NGEF: variants seen among roughly 807,000 people sequenced by gnomAD.
NGEF encodes the protein neuronal guanine nucleotide exchange factor, also known as ephexin-1.
Under a neutral mutation model 80.9 loss-of-function variants are expected in NGEF, and 31 were observed. The observed-to-expected ratio is 0.38, with a 90% CI of 0.29 to 0.52. The LOEUF is 0.52. NGEF is among the 20% of genes least tolerant of loss of function. The pLI is 0.84. For synonymous variants in NGEF, 371 were observed against 370.2 expected (o/e 1.00, Z -0.03); for missense variants, 709 against 926.2 (o/e 0.77, Z 3.04).
At chr2:232,895,363 C>T (rs979533208) in intron 5 of NGEF, among the ~76,000 whole-genome samples, 1 of 151,988 alleles carries the variant, frequency 6.6e-6, no homozygotes, top group Non-Finnish European at 1.5e-5. Context: ...CCTGTCTCTA[C>T]TAAAAATACA....
At chr2:232,910,790 A>G (rs1402883760) in intron 5 of NGEF, among the ~76,000 whole-genome samples, 1 of 152,204 alleles carries the variant, frequency 6.6e-6, no homozygotes, top group Non-Finnish European at 1.5e-5. Flanking sequence ...CCTTCTGTAT[A>G]TCTGCTTTGG....
chr2:232,967,958 A>G (rs1343410727), intron 3 of NGEF, among the ~76,000 whole-genome samples: 1 of 152,202 alleles, frequency 6.6e-6, no homozygotes, highest in Non-Finnish European at 1.5e-5. Flanking sequence ...AGTGATATTT[A>G]TCATAGTGTG....
At chr2:232,967,277 C>T (rs1412636495) in intron 3 of NGEF, among the ~76,000 whole-genome samples, 1 of 152,156 alleles carries the variant, frequency 6.6e-6, no homozygotes, top group Admixed American at 6.5e-5. Context: ...GAAGCAGATG[C>T]TGCCATATTT....
chr2:232,902,408 G>T (rs938044347), intron 5 of NGEF, among the ~76,000 whole-genome samples: 1 of 152,188 alleles, frequency 6.6e-6, no homozygotes, highest in African/African-American at 2.4e-5. Context: ...CGTGAGCAGC[G>T]TGGGGAGTGG....
Position 232,892,681 on chromosome 2 carries a change from G to C in NGEF, c.1142+217C>G, listed in dbSNP as rs554578679. On this transcript the variant is annotated intron_variant, in intron 7 of 14. Transcript: ENST00000264051. This position sits in a 1 kb window ranked among gnomAD's most constrained non-coding sequence, Gnocchi z 4.0. Reference sequence around the variant, plus strand: ...GCTGATTCTCTTGGGGTCTGGCTGGGCTAATGTTTCTCTAGTGACACCAAT... The same window carrying C: ...GCTGATTCTCTTGGGGTCTGGCTGGCCTAATGTTTCTCTAGTGACACCAAT... 6.6e-6 allele frequency among the ~76,000 whole-genome samples: 1 copy of C among 152,318 alleles called. No homozygotes were observed. Among genetic ancestry groups the C allele is most frequent in the Admixed American group, 6.5e-5 (1 of 15,304 alleles).
intron 1 of NGEF, among the ~76,000 whole-genome samples, chr2:232,998,187 C>A (rs1204378178): frequency 1.3e-5 from 2 of 152,116 alleles, no homozygotes; most frequent in Non-Finnish European, 2.9e-5. Flanking sequence ...AGGCCCTTTC[C>A]ATTGAGCTCA....
chr2:233,005,557 T>C (rs939467052), intron 1 of NGEF, among the ~76,000 whole-genome samples: 9 of 152,198 alleles, frequency 5.9e-5, no homozygotes, highest in Non-Finnish European at 8.8e-5. Flanking sequence ...TGCAGTATAT[T>C]CACAAGGCTC....
At chr2:232,880,413 G>A (rs1691457767) in intron 14 of NGEF, among the ~76,000 whole-genome samples, 1 of 152,230 alleles carries the variant, frequency 6.6e-6, no homozygotes, top group Non-Finnish European at 1.5e-5. Flanking sequence ...TATATTCCAT[G>A]GGAAGAGGGC....
chr2:233,007,086 A>G (rs1042648903), intron 1 of NGEF, among the ~76,000 whole-genome samples: 5 of 152,122 alleles, frequency 3.3e-5, no homozygotes, highest in African/African-American at 1.2e-4. Flanking sequence ...TCTACAAAAA[A>G]TACAAAAATT....
At chr2:232,939,986 G>T (rs535029787) in intron 3 of NGEF, among the ~76,000 whole-genome samples, 1 of 147,996 alleles carries the variant, frequency 6.8e-6, no homozygotes, top group South Asian at 2.1e-4. Context: ...GACAGAGTGG[G>T]ACTCCATCTT....
At chr2:232,957,726 G>T (rs11903971) in intron 3 of NGEF, among the ~76,000 whole-genome samples, 11,209 of 152,244 alleles carry the variant, frequency 0.074, 953 homozygotes, top group African/African-American at 0.2. Flanking sequence ...TTCTGCACCT[G>T]TCTGGTCACC....
chr2:232,934,241 C>CAAAA (rs11329977), intron 3 of NGEF, among the ~76,000 whole-genome samples: 7 of 98,828 alleles, frequency 7.1e-5, no homozygotes, highest in Non-Finnish European at 1.0e-4. Flanking sequence ...GACTGCATCT[C>CAAAA]AAAAAAAAAA....
chr2:232,923,157 T>G (rs1692981250), intron 4 of NGEF, among the ~76,000 whole-genome samples: 1 of 152,232 alleles, frequency 6.6e-6, no homozygotes, highest in Non-Finnish European at 1.5e-5. Flanking sequence ...TGGCATATTT[T>G]TGAAGGCTCA....
intron 3 of NGEF, among the ~76,000 whole-genome samples, chr2:232,959,015 T>C (rs1693890699): frequency 1.3e-5 from 2 of 152,214 alleles, no homozygotes; most frequent in Admixed American, 6.5e-5. Context: ...ACCATTAGCA[T>C]GCCTAAAGAG....
At chr2:232,924,492 A>G (rs1693017807) in intron 4 of NGEF, among the ~76,000 whole-genome samples, 1 of 152,154 alleles carries the variant, frequency 6.6e-6, no homozygotes, top group African/African-American at 2.4e-5. Flanking sequence ...AGATTAAGAT[A>G]CTGGCCAAGG....
rs1321276761 is a variant in NGEF at position 232,892,347 on chromosome 2, C to G, written c.1142+551G>C. 6.6e-6 allele frequency among the ~76,000 whole-genome samples: 1 copy of G among 152,216 alleles called. No homozygotes were observed. The highest frequency in any genetic ancestry group is 1.5e-5 in the Non-Finnish European group (1 of 68,038). ...CCAAGACGGCCTCCCTGGCTAACCC[C>G]AGGCACTGAAGTGCGAACCTCAGTG... is the stretch of plus-strand genomic sequence containing the variant. On this transcript the variant is annotated intron_variant, in intron 7 of 14. Transcript: ENST00000264051. The surrounding 1 kb of genome is among the most constrained non-coding windows in gnomAD (Gnocchi z 4.0).
At chr2:232,901,090 G>A (rs890128344) in intron 5 of NGEF, among the ~76,000 whole-genome samples, 1 of 152,242 alleles carries the variant, frequency 6.6e-6, no homozygotes, top group African/African-American at 2.4e-5. Context: ...AAGCCAACCT[G>A]CTCCTGATGG....
chr2:232,979,398 G>T (rs1694363545), intron 1 of NGEF, among the ~76,000 whole-genome samples: 1 of 4,534 alleles, frequency 2.2e-4, no homozygotes, highest in Non-Finnish European at 3.9e-4. Context: ...ACACACACAG[G>T]AAGAGATTGT....
At chr2:232,973,318 T>C (rs10933421) in intron 2 of NGEF, among the ~76,000 whole-genome samples, 70,371 of 152,060 alleles carry the variant, frequency 0.46, 17,086 homozygotes, top group African/African-American at 0.56. Context: ...TCCACGACGA[T>C]AGTATTTCAA....
Sources: allele counts gnomAD v4.1 joint callset (sites outside exome capture counted in the v4.1 genomes callset), GRCh38; gene constraint gnomAD v4.1.1; non-coding constraint Gnocchi (gnomAD v3.1); transcripts MANE v1.5; gene names NCBI Gene and HGNC (gene_info 2026-07-23, HGNC 2026-07-21).